The following ROBO1 variants were observed in gnomAD, a reference collection of about 807,000 sequenced individuals.
The protein encoded by ROBO1 is roundabout homolog 1.
ROBO1 carries 149 observed loss-of-function variants against 195.9 expected under a neutral mutation model. The observed-to-expected ratio is 0.76, with a 90% CI of 0.67 to 0.87. The LOEUF is 0.87. Ranked by LOEUF, ROBO1 falls within the 40% of genes least tolerant of loss-of-function variation. The pLI is 0.00. For missense variants in ROBO1, 1,933 were observed against 2,068.3 expected, an observed-to-expected ratio of 0.93 and a Z score of 1.27; for synonymous variants, 816 against 733.2, an observed-to-expected ratio of 1.11 and a Z score of -1.82.
chr3:79,246,668 G>T (rs937685495), intron 2 of ROBO1, among the ~76,000 whole-genome samples: 18 of 151,872 alleles, frequency 1.2e-4, no homozygotes, highest in African/African-American at 4.4e-4. Flanking sequence ...TTGAGCTATT[G>T]CTTATATTGT....
At chr3:79,180,237 T>C (rs2081318230) in intron 2 of ROBO1, among the ~76,000 whole-genome samples, 1 of 152,226 alleles carries the variant, frequency 6.6e-6, no homozygotes, top group Non-Finnish European at 1.5e-5. Context: ...TCTTCATTTC[T>C]TGTTAACTCT....
intron 2 of ROBO1, among the ~76,000 whole-genome samples, chr3:79,308,314 C>T (rs142437918): frequency 6.6e-6 from 1 of 152,186 alleles, no homozygotes; most frequent in African/African-American, 2.4e-5. Context: ...TTTAAAAATA[C>T]GTAGGGACTT....
chr3:79,199,519 T>C (rs1468567397), intron 2 of ROBO1, among the ~76,000 whole-genome samples: 1 of 151,786 alleles, frequency 6.6e-6, no homozygotes, highest in East Asian at 1.9e-4. Context: ...TTTAACGTGT[T>C]CCTGATGATT....
At chr3:79,029,709 G>GGTA (rs2078260216) in intron 3 of ROBO1, among the ~76,000 whole-genome samples, 1 of 152,118 alleles carries the variant, frequency 6.6e-6, no homozygotes, top group Non-Finnish European at 1.5e-5. Flanking sequence ...ACTTCCCCTG[G>GGTA]GTAACTCCAA....
chr3:78,947,181 C>T (rs145064896), intron 3 of ROBO1, among the ~76,000 whole-genome samples: 30 of 152,300 alleles, frequency 2.0e-4, no homozygotes, highest in African/African-American at 6.5e-4. Flanking sequence ...ACCTAATAGA[C>T]ATCTACAGAA....
At chr3:78,888,003 CTT>C (rs2036663814) in intron 4 of ROBO1, among the ~76,000 whole-genome samples, 1 of 152,130 alleles carries the variant, frequency 6.6e-6, no homozygotes, top group African/African-American at 2.4e-5. Flanking sequence ...TCTTAATCCT[CTT>C]GTCTCACGAG....
At chr3:79,533,134 A>G (rs1039923064) in intron 2 of ROBO1, 1 of 430,938 alleles carries the variant, frequency 2.3e-6, no homozygotes, top group South Asian at 1.7e-5. Context: ...GGGAGAGGGC[A>G]CTTTTATAAT....
intron 2 of ROBO1, among the ~76,000 whole-genome samples, chr3:79,425,526 G>A (rs1420111161): frequency 6.6e-6 from 1 of 152,060 alleles, no homozygotes; most frequent in Non-Finnish European, 1.5e-5. Context: ...AAGACAAGTG[G>A]CTGCCCAGAG....
At chr3:78,703,199 A>G (rs1305811639) in intron 8 of ROBO1, among the ~76,000 whole-genome samples, 1 of 152,014 alleles carries the variant, frequency 6.6e-6, no homozygotes, top group African/African-American at 2.4e-5. Context: ...AGGGAAAAAC[A>G]AAACAAAACA....
chr3:79,015,454 A>G (rs1399847876), intron 3 of ROBO1, among the ~76,000 whole-genome samples: 1 of 150,158 alleles, frequency 6.7e-6, no homozygotes, highest in Non-Finnish European at 1.5e-5. Context: ...TCTCATCCTA[A>G]GTTTGAACTG....
chr3:79,107,039 C>T (rs2079794401), intron 3 of ROBO1, among the ~76,000 whole-genome samples: 1 of 151,308 alleles, frequency 6.6e-6, no homozygotes, highest in African/African-American at 2.4e-5. Flanking sequence ...ACCATAGATA[C>T]AGGATTTCAC....
intron 1 of ROBO1, among the ~76,000 whole-genome samples, chr3:79,611,655 C>A (rs190586885): frequency 3.9e-5 from 6 of 152,226 alleles, no homozygotes; most frequent in Admixed American, 2.6e-4. Context: ...CCAAACACTG[C>A]GTGTTCTCAC....
At chr3:79,417,890 C>A (rs2038069234) in intron 2 of ROBO1, among the ~76,000 whole-genome samples, 1 of 152,080 alleles carries the variant, frequency 6.6e-6, no homozygotes, top group South Asian at 2.1e-4. Context: ...CTACTCCAGC[C>A]AGGTGGCTAT....
intron 20 of ROBO1, 62 bp downstream of exon 20, chr3:78,647,567 A>T: frequency 2.0e-6 from 3 of 1,466,074 alleles, no homozygotes; most frequent in Non-Finnish European, 2.9e-6. Flanking sequence ...AAACAGAAAC[A>T]CAATAGTGGA....
rs1017616206 is a variant in ROBO1, at chr3:79,388,951, C to T, written c.88+200873G>A. ...AAAACAACGTATTTGTTAATGCCAG[C>T]ATAATTTTAAAGAGAGGAAAAAAGT... On this transcript the variant is annotated intron_variant, in intron 2 of 30. Coordinates refer to ENST00000464233, the MANE Select transcript of ROBO1 (RefSeq NM_002941.4). Among the ~76,000 whole-genome samples the T allele has an allele frequency of 1.4e-4, 21 of 151,994 alleles. 1 individual carries two copies. Among genetic ancestry groups the T allele is most frequent in the Middle Eastern group, 6.8e-3 (2 of 294 alleles).
At chr3:79,346,194 AT>A (rs140508735) in intron 2 of ROBO1, among the ~76,000 whole-genome samples, 8,061 of 152,190 alleles carry the variant, frequency 0.053, 732 homozygotes, top group African/African-American at 0.18. Context: ...CTGTAATTCA[AT>A]TTTTGAGTTA....
Position 79,091,342 on chromosome 3 carries a change from A to T in ROBO1, c.172+34114T>A, listed in dbSNP as rs528969280. Among the ~76,000 whole-genome samples, 191 of 152,282 alleles carry T rather than the reference A, an allele frequency of 1.3e-3. 1 individual carries two copies. The Middle Eastern group carries it at 0.02, about 16-fold the overall frequency. On this transcript the variant is annotated intron_variant, in intron 3 of 30. Coordinates refer to ENST00000464233, the MANE Select transcript of ROBO1 (RefSeq NM_002941.4). ...TGGTTTGGCAGTGCAAGAACTCTGT[A>T]ACATTAACAAATTCAATAAAAAGTA...
chr3:79,650,086 T>A (rs1945957505), intron 1 of ROBO1, among the ~76,000 whole-genome samples: 1 of 151,618 alleles, frequency 6.6e-6, no homozygotes, highest in Non-Finnish European at 1.5e-5. Context: ...AGAAAATAAT[T>A]AAGATGAAAA....
chr3:79,638,262 T>A (rs939000740), intron 1 of ROBO1, among the ~76,000 whole-genome samples: 1 of 152,176 alleles, frequency 6.6e-6, no homozygotes, highest in Non-Finnish European at 1.5e-5. Flanking sequence ...TCATGGTAGA[T>A]TTGCAAAGGC....
Sources: gnomAD v4.1 joint callset for allele counts (sites outside exome capture counted in the v4.1 genomes callset) on GRCh38, gnomAD v4.1.1 for gene constraint, MANE v1.5 for transcripts, NCBI Gene and HGNC (gene_info 2026-07-23, HGNC 2026-07-21) for gene names.